ZNF716: variants seen among roughly 807,000 people sequenced by gnomAD.
The protein encoded by ZNF716 is zinc finger protein 716.
In ZNF716, 9 loss-of-function variants were observed where a neutral mutation model predicts 13.4. That is an observed-to-expected ratio of 0.67 (90% CI 0.41 to 1.18). The LOEUF is 1.18. Ranked by LOEUF, ZNF716 falls within the 50% of genes most tolerant of loss-of-function variation. The pLI is 0.01. For synonymous variants in ZNF716, 186 were observed against 195.2 expected (o/e 0.95, Z 0.39); for missense variants, 581 against 576.6 (o/e 1.01, Z -0.08).
chr7:57,453,965 T>C (rs1554321871), intron 1 of ZNF716, among the ~76,000 whole-genome samples: 1 of 152,174 alleles, frequency 6.6e-6, no homozygotes, highest in Non-Finnish European at 1.5e-5. Flanking sequence ...CCCAGGTAGC[T>C]GGGATTACAG....
In ZNF716 at chr7:57,469,245, A is replaced by G. The variant is rs1789873017; in HGVS notation, c.784A>G (p.Ile262Val). The change falls in exon 4 of 4, where the codon ATT becomes GTT. Residue 262 changes from isoleucine (I) to valine (V), a missense_variant. By Grantham distance (29) the Ile-to-Val change is conservative. Transcript: ENST00000420713. ...WSASLTKHKR[I>V]HTGEKPYTCE... ...TGCATCCCTTACTAAACATAAGAGA[A>G]TTCATACTGGAGAGAAACCTTACAC... 1 of 1,611,806 alleles carries G rather than the reference A, an allele frequency of 6.2e-7. No individual in the cohort carries two copies. The highest frequency in any genetic ancestry group is 8.5e-7 in the Non-Finnish European group (1 of 1,178,810).
rs1210748595 is a variant in ZNF716, at chr7:57,472,967, C to T, written c.*3018C>T. 1 of 151,996 alleles carries T rather than the reference C, an allele frequency of 6.6e-6. No homozygotes were observed. Among genetic ancestry groups the T allele is most frequent in the Non-Finnish European group, 1.5e-5 (1 of 68,016 alleles). The allele number at this position is 151,996 out of a possible 1,614,324, so 9.4% of individuals were successfully genotyped here. A position where few individuals can be genotyped will look rare whatever the true frequency, so the allele number is the denominator to read the frequency against. ...TAAATGAGGCATTCATCACCTTGAG[C>T]ATGTATTTATCCTTTGTATTACAAA... On this transcript the variant is annotated 3_prime_UTR_variant, in exon 4 of 4. Coordinates refer to ENST00000420713, the MANE Select transcript of ZNF716 (RefSeq NM_001159279.1).
At chr7:57,451,294 C>G (rs1789488292) in intron 1 of ZNF716, among the ~76,000 whole-genome samples, 1 of 151,538 alleles carries the variant, frequency 6.6e-6, no homozygotes, top group African/African-American at 2.4e-5. Flanking sequence ...GGATTACAGT[C>G]GTGATCCCCC....
chr7:57,464,136 T>C (rs1216131671), intron 3 of ZNF716, among the ~76,000 whole-genome samples: 3 of 148,020 alleles, frequency 2.0e-5, no homozygotes, highest in Non-Finnish European at 4.5e-5. Context: ...TTTTTTTTTT[T>C]TTGAGATGGA....
intron 1 of ZNF716, among the ~76,000 whole-genome samples, chr7:57,452,220 G>A (rs1554321665): frequency 6.6e-6 from 1 of 151,966 alleles, no homozygotes; most frequent in Admixed American, 6.6e-5. Context: ...GTCCTTTCTT[G>A]TATGTTTCAG....
chr7:57,450,798 C>T (rs1413496886), intron 1 of ZNF716, among the ~76,000 whole-genome samples: 14 of 152,024 alleles, frequency 9.2e-5, no homozygotes, highest in African/African-American at 3.4e-4. Context: ...GAGCGCCCAG[C>T]TATGGTTTGT....
At chr7:57,464,203 C>A (rs1789764053) in intron 3 of ZNF716, among the ~76,000 whole-genome samples, 1 of 141,348 alleles carries the variant, frequency 7.1e-6, no homozygotes, top group Non-Finnish European at 1.5e-5. Context: ...CTCATGGCAA[C>A]CCCTGCCTCC....
In ZNF716 at chr7:57,472,017, T is replaced by C. The variant is rs1397893357; in HGVS notation, c.*2068T>C. 4 of 152,244 alleles carry C rather than the reference T, an allele frequency of 2.6e-5. No homozygotes were observed. The highest frequency in any genetic ancestry group is 5.9e-5 in the Non-Finnish European group (4 of 68,046). 9.4% of individuals were successfully genotyped at this position (152,244 alleles called of 1,614,324 possible). ...TTCAAATTACTTCATGTTGATCCTT[T>C]CTTCCCATTGTTTCTGTGAAAGTAT... On this transcript the variant is annotated 3_prime_UTR_variant, in exon 4 of 4. Transcript: ENST00000420713.
At chr7:57,461,516 TTAA>T (rs1554323085) in intron 1 of ZNF716, among the ~76,000 whole-genome samples, 1 of 152,194 alleles carries the variant, frequency 6.6e-6, no homozygotes, top group African/African-American at 2.4e-5. Context: ...ACCATCACAT[TTAA>T]TCTGGAAGCT....
chr7:57,462,193 C>A (rs542246368), intron 1 of ZNF716, among the ~76,000 whole-genome samples: 1 of 151,258 alleles, frequency 6.6e-6, no homozygotes, highest in Non-Finnish European at 1.5e-5. Flanking sequence ...CATATTGATG[C>A]CCTTAATTTT....
Position 57,470,875 on chromosome 7 carries a change from A to C in ZNF716, c.*926A>C, listed in dbSNP as rs2116429157. 1 of 152,246 alleles carries C rather than the reference A, an allele frequency of 6.6e-6. No individual in the cohort carries two copies. Among genetic ancestry groups the C allele is most frequent in the East Asian group, 1.9e-4 (1 of 5,174 alleles). 9.4% of individuals were successfully genotyped at this position (152,246 alleles called of 1,614,324 possible). A position where few individuals can be genotyped will look rare whatever the true frequency, so the allele number is the denominator to read the frequency against. ...AAATAGAGAAATCATACTGGTGAAA[A>C]ACTCTAGAAATGTGTTAAATGAGGT... On this transcript the variant is annotated 3_prime_UTR_variant, in exon 4 of 4. Coordinates refer to ENST00000420713, the MANE Select transcript of ZNF716 (RefSeq NM_001159279.1).
intron 1 of ZNF716, among the ~76,000 whole-genome samples, chr7:57,460,294 CTG>C (rs1789684348): frequency 6.7e-6 from 1 of 148,872 alleles, no homozygotes; most frequent in Admixed American, 6.8e-5. Context: ...ACTCAGGGGG[CTG>C]AGGCAGTAGA....
At chr7:57,463,835 T>A (rs1442186633) in intron 3 of ZNF716, among the ~76,000 whole-genome samples, 3 of 152,064 alleles carry the variant, frequency 2.0e-5, no homozygotes, top group Non-Finnish European at 4.4e-5. Flanking sequence ...TTTAATTATT[T>A]GAAAAACATT....
chr7:57,469,324 G>A lies in ZNF716; in HGVS notation c.863G>A (p.Arg288Lys), dbSNP rs1554324731. ...CGCTCAACACTTACTAACTACAAGAGAATTCATACTGGAGAGAAACCCTAC... is the reference window on the plus strand; with the variant it reads ...CGCTCAACACTTACTAACTACAAGAAAATTCATACTGGAGAGAAACCCTAC... ...FSRSTLTNYKRIHTGEKPYTC... is the reference protein window; with the variant it reads ...FSRSTLTNYKKIHTGEKPYTC... The change falls in exon 4 of 4, where the codon AGA becomes AAA. Residue 288 changes from arginine (R) to lysine (K), a missense_variant. Coordinates refer to ENST00000420713, the MANE Select transcript of ZNF716 (RefSeq NM_001159279.1). 6.2e-7 allele frequency: 1 copy of A among 1,608,628 alleles called. No individual in the cohort carries two copies. Among genetic ancestry groups the A allele is most frequent in the African/African-American group, 1.3e-5 (1 of 74,806 alleles).
At chr7:57,453,135 A>G (rs1789527473) in intron 1 of ZNF716, among the ~76,000 whole-genome samples, 1 of 152,098 alleles carries the variant, frequency 6.6e-6, no homozygotes, top group Non-Finnish European at 1.5e-5. Context: ...TGCCCTCTGG[A>G]TTCTGTCAGA....
chr7:57,450,336 T>G lies in ZNF716; in HGVS notation c.39+9T>G, dbSNP rs1583712591. On this transcript the variant is annotated intron_variant, in intron 1 of 3. Coordinates refer to ENST00000420713, the MANE Select transcript of ZNF716 (RefSeq NM_001159279.1). ...CTGGAAGCCGAGAAATGGTGAGTGC[T>G]GGGTCTGTCACCGTGAGAGAGGGGT... 6.8e-6 allele frequency: 11 copies of G among 1,613,486 alleles called. No homozygotes were observed. The East Asian group carries it at 1.8e-4, about 26-fold the overall frequency.
rs1789917233 is a variant in ZNF716, at chr7:57,470,772, T to C, written c.*823T>C. On this transcript the variant is annotated 3_prime_UTR_variant, in exon 4 of 4. Transcript: ENST00000420713. ...TAACTGGTTCTCCATCTTTATTAAT[T>C]AAAATATTTTATACTGGAGAGAAAC... The C allele has an allele frequency of 6.6e-6, 1 of 151,586 alleles. No homozygotes were observed. Among genetic ancestry groups the C allele is most frequent in the Non-Finnish European group, 1.5e-5 (1 of 67,944 alleles). The allele number at this position is 151,586 out of a possible 1,614,324, so 9.4% of individuals were successfully genotyped here. A position where few individuals can be genotyped will look rare whatever the true frequency, so the allele number is the denominator to read the frequency against.
chr7:57,463,448 T>C (rs1176391350), intron 3 of ZNF716, among the ~76,000 whole-genome samples: 3 of 152,218 alleles, frequency 2.0e-5, no homozygotes, highest in Non-Finnish European at 4.4e-5. Context: ...AACTGACTGC[T>C]TTGCCATTGC....
At chr7:57,459,065 T>A (rs1204852350) in intron 1 of ZNF716, among the ~76,000 whole-genome samples, 1 of 152,254 alleles carries the variant, frequency 6.6e-6, no homozygotes, top group African/African-American at 2.4e-5. Flanking sequence ...AAGCTGATTA[T>A]TCAATTTTTA....
Sources: allele counts gnomAD v4.1 joint callset (sites outside exome capture counted in the v4.1 genomes callset), GRCh38; gene constraint gnomAD v4.1.1; transcripts MANE v1.5; gene names NCBI Gene and HGNC (gene_info 2026-07-23, HGNC 2026-07-21).